The following ZNF721 variants were observed in gnomAD, a reference collection of about 807,000 sequenced individuals.
ZNF721 encodes the protein zinc finger protein 721.
ZNF721 carries 2 observed loss-of-function variants against 2.4 expected under a neutral mutation model. The ratio of observed to expected loss-of-function variants is 0.82; its 90% CI spans 0.34 to 2.58. The LOEUF is 2.58. Ranked by LOEUF, ZNF721 falls within the 30% of genes most tolerant of loss-of-function variation. The pLI is 0.11. For missense variants in ZNF721, 1,187 were observed against 1,085.5 expected (o/e 1.09, Z -1.31); for synonymous variants, 398 against 381.8 (o/e 1.04, Z -0.50).
chr4:483,508 C>T (rs568915158), intron 1 of ZNF721, among the ~76,000 whole-genome samples: 5 of 151,366 alleles, frequency 3.3e-5, no homozygotes, highest in Non-Finnish European at 4.4e-5. Flanking sequence ...GCCAAGATCG[C>T]GCCACTGCAC....
chr4:443,992 G>A lies in ZNF721; in HGVS notation c.475C>T (p.His159Tyr), dbSNP rs781958248. 6 of 1,614,108 alleles carry A rather than the reference G, an allele frequency of 3.7e-6. No homozygotes were observed. Among genetic ancestry groups the A allele is most frequent in the East Asian group, 2.2e-5 (1 of 44,856 alleles). The change falls in exon 3 of 3, where the codon CAT (histidine) becomes TAT (tyrosine). Residue 159 changes from histidine (H) to tyrosine (Y), a missense_variant. Transcript: ENST00000511833. ...YTDLNQHKKI[H>Y]TGEKPYKCEE... ...CATTTGTAAGGTTTCTCTCCAGTAT[G>A]AATTTTCTTGTGTTGATTCAGGTCT...
chr4:462,114 G>C (rs1349331859), intron 2 of ZNF721, among the ~76,000 whole-genome samples: 4 of 152,036 alleles, frequency 2.6e-5, no homozygotes, highest in African/African-American at 9.7e-5. Context: ...ACCAATAATA[G>C]ACAAACAGAG....
At position 443,073 on chromosome 4, in the gene ZNF721, T is replaced by A; in HGVS notation, c.1394A>T (p.Lys465Ile). 6 of 1,613,804 alleles carry A rather than the reference T, an allele frequency of 3.7e-6. No individual in the cohort carries two copies. Among genetic ancestry groups the A allele is most frequent in the Non-Finnish European group, 4.2e-6 (5 of 1,179,788 alleles). The change falls in exon 3 of 3, where the codon AAA (lysine) becomes ATA (isoleucine). Residue 465 changes from lysine (K) to isoleucine (I), a missense_variant. By Grantham distance (102) the Lys-to-Ile change is moderately radical (BLOSUM62 -3). Transcript: ENST00000511833. ...IHSLHLNKHE[K>I]IHTGKKPYKC... ...GTAGGGTTTCTTTCCAGTATGAATT[T>A]TCTCATGTTTATTCAGGTGCAAGGA... is the stretch of plus-strand genomic sequence containing the variant.
At chr4:487,100 A>G (rs182583531) in intron 1 of ZNF721, among the ~76,000 whole-genome samples, 76 of 152,356 alleles carry the variant, frequency 5.0e-4, no homozygotes, top group African/African-American at 1.7e-3. Flanking sequence ...AAGAAAAGTC[A>G]TGATAAAATT....
rs71614936 is a variant in ZNF721 at position 486,160 on chromosome 4, C to T, written c.-94+12896G>A. 6.6e-3 allele frequency among the ~76,000 whole-genome samples: 243 copies of T among 36,764 alleles called. 5 individuals are homozygous for T. Among genetic ancestry groups the T allele is most frequent in the East Asian group, 0.015 (7 of 454 alleles). 24.1% of individuals were successfully genotyped at this position (36,764 alleles called of 152,430 possible). A position where few individuals can be genotyped will look rare whatever the true frequency, so the allele number is the denominator to read the frequency against. ...GTTGAGTGTGATTTCTTTTTTTTTTCTTTTCTTTTTTTTTTTTGAGACGGA... is the reference window on the plus strand; with the variant it reads ...GTTGAGTGTGATTTCTTTTTTTTTTTTTTTCTTTTTTTTTTTTGAGACGGA... On this transcript the variant is annotated intron_variant, in intron 1 of 2. Transcript: ENST00000511833.
At chr4:455,060 C>T (rs1254215474) in intron 2 of ZNF721, among the ~76,000 whole-genome samples, 1 of 152,150 alleles carries the variant, frequency 6.6e-6, no homozygotes, top group Non-Finnish European at 1.5e-5. Flanking sequence ...TGTTTTGCTT[C>T]CCGGTCTGGT....
At chr4:480,647 G>A (rs923016722) in intron 1 of ZNF721, among the ~76,000 whole-genome samples, 3 of 152,100 alleles carry the variant, frequency 2.0e-5, no homozygotes, top group Non-Finnish European at 4.4e-5. Context: ...GGAATTATAT[G>A]AGCTTTGTCA....
intron 2 of ZNF721, among the ~76,000 whole-genome samples, chr4:459,782 G>A (rs1235861282): frequency 2.7e-5 from 4 of 150,046 alleles, no homozygotes; most frequent in African/African-American, 9.8e-5. Context: ...AGTGAGCTGA[G>A]ATTGTGCCAC....
At chr4:478,712 G>A (rs1197421034) in intron 1 of ZNF721, among the ~76,000 whole-genome samples, 4 of 151,952 alleles carry the variant, frequency 2.6e-5, no homozygotes, top group African/African-American at 9.7e-5. Context: ...TCCAGTTCCT[G>A]CTACGCATAC....
rs1378381940 is a variant in ZNF721 at position 445,885 on chromosome 4, G to A, written c.35-1453C>T. On this transcript the variant is annotated intron_variant, in intron 2 of 2. Coordinates refer to ENST00000511833, the MANE Select transcript of ZNF721 (RefSeq NM_133474.4). ...ACAAAAAGTGATGTGTCATTTATAA[G>A]TGTGGTCTTATAAGATTACCAGTGA... Among the ~76,000 whole-genome samples the A allele has an allele frequency of 2.0e-5, 3 of 152,126 alleles. No individual in the cohort carries two copies. The East Asian group carries it at 5.8e-4, about 29-fold the overall frequency.
At position 493,793 on chromosome 4, in the gene ZNF721, C is replaced by A. The variant is rs569043885; in HGVS notation, c.-94+5263G>T. ...TATTAAAACTTACACAGGCAAAGATCAAAAGATCATTCTGTTTGGGGCTGG... is the reference window on the plus strand; with the variant it reads ...TATTAAAACTTACACAGGCAAAGATAAAAAGATCATTCTGTTTGGGGCTGG... On this transcript the variant is annotated intron_variant, in intron 1 of 2. Transcript: ENST00000511833. 5.9e-5 allele frequency among the ~76,000 whole-genome samples: 9 copies of A among 151,938 alleles called. 1 individual carries two copies. In the South Asian group the frequency reaches 1.9e-3, roughly 32 times the overall value.
intron 1 of ZNF721, among the ~76,000 whole-genome samples, chr4:481,977 T>C (rs781987829): frequency 9.8e-5 from 15 of 152,294 alleles, no homozygotes; most frequent in Admixed American, 2.0e-4. Context: ...GAAAACTGAG[T>C]TAGATTTTAT....
At chr4:473,957 G>T in intron 1 of ZNF721, 1 of 1,505,738 alleles carries the variant, frequency 6.6e-7, no homozygotes. Context: ...CCCAGCCTTG[G>T]GACGCCCTGC....
At chr4:472,205 C>T (rs1715458191) in intron 2 of ZNF721, among the ~76,000 whole-genome samples, 1 of 152,200 alleles carries the variant, frequency 6.6e-6, no homozygotes, top group Non-Finnish European at 1.5e-5. Context: ...GGATTACAGG[C>T]ACCTGCCACC....
intron 1 of ZNF721, among the ~76,000 whole-genome samples, chr4:487,569 T>A (rs556168288): frequency 2.0e-4 from 31 of 152,192 alleles, no homozygotes; most frequent in Admixed American, 4.6e-4. Flanking sequence ...TAGTAATATA[T>A]ACACCCATTA....
At chr4:478,933 C>A (rs1468496523) in intron 1 of ZNF721, among the ~76,000 whole-genome samples, 6 of 152,044 alleles carry the variant, frequency 3.9e-5, no homozygotes, top group Non-Finnish European at 8.8e-5. Flanking sequence ...CCATGCCAGG[C>A]TAATTTTTTT....
intron 1 of ZNF721, among the ~76,000 whole-genome samples, chr4:485,454 T>C (rs1553870106): frequency 6.6e-6 from 1 of 151,192 alleles, no homozygotes; most frequent in African/African-American, 2.4e-5. Flanking sequence ...GCAGTAGAGG[T>C]GAGTAGAGAA....
intron 1 of ZNF721, among the ~76,000 whole-genome samples, chr4:482,963 T>G (rs78278761): frequency 0.043 from 6,624 of 152,296 alleles, 203 homozygotes; most frequent in African/African-American, 0.089. Flanking sequence ...CATTAATAAT[T>G]GTTAACTGGT....
At chr4:462,739 T>C (rs1342162029) in intron 2 of ZNF721, among the ~76,000 whole-genome samples, 2 of 152,196 alleles carry the variant, frequency 1.3e-5, no homozygotes, top group African/African-American at 4.8e-5. Context: ...TTACACCTTA[T>C]ACAACAATTA....
Sources: allele counts gnomAD v4.1 joint callset (sites outside exome capture counted in the v4.1 genomes callset), GRCh38; gene constraint gnomAD v4.1.1; transcripts MANE v1.5; gene names NCBI Gene and HGNC (gene_info 2026-07-23, HGNC 2026-07-21).